The following GRK3 variants were observed in gnomAD, a reference collection of about 807,000 sequenced individuals.
The protein encoded by GRK3 is adrenergic, beta, receptor kinase 2.
Under a neutral mutation model 95.7 loss-of-function variants are expected in GRK3, and 54 were observed. That is an observed-to-expected ratio of 0.56 (90% CI 0.45 to 0.71). The LOEUF (loss-of-function observed/expected upper bound fraction) is 0.71, where lower values mean the gene tolerates loss of function less well. Ranked by LOEUF, GRK3 falls within the 30% of genes least tolerant of loss-of-function variation. The pLI is 0.00. For synonymous variants in GRK3, 281 were observed against 290.8 expected (o/e 0.97, Z 0.34); for missense variants, 649 against 851.2 (o/e 0.76, Z 2.96).
At chr22:25,652,166 G>A (rs1406446262) in intron 3 of GRK3, among the ~76,000 whole-genome samples, 1 of 152,198 alleles carries the variant, frequency 6.6e-6, no homozygotes, top group Non-Finnish European at 1.5e-5. Context: ...CAGGCATGGT[G>A]GCTCACGCCT....
Position 25,612,752 on chromosome 22 carries a change from C to G in GRK3, c.190+8299C>G, listed in dbSNP as rs189687219. ...TTATATTTGACATTTAGGGCCAAGG[C>G]ATAAGAAATGTACTTGCTGTGGGCT... On this transcript the variant is annotated intron_variant, in intron 2 of 20. Coordinates refer to ENST00000324198, the MANE Select transcript of GRK3 (RefSeq NM_005160.4). Among the ~76,000 whole-genome samples, 70 of 151,432 alleles carry G rather than the reference C, an allele frequency of 4.6e-4. No homozygotes were observed. In the East Asian group the frequency reaches 0.014, roughly 29 times the overall value.
chr22:25,649,265 C>A, intron 3 of GRK3: 1 of 1,023,410 alleles, frequency 9.8e-7, no homozygotes. Flanking sequence ...ATGCTCACAT[C>A]TGCCAAAATG....
At position 25,726,063 on chromosome 22, in the gene GRK3, A is replaced by G. The variant is rs2085471513; in HGVS notation, c.*3613A>G. On this transcript the variant is annotated 3_prime_UTR_variant, in exon 21 of 21. Transcript: ENST00000324198. Reference sequence around the variant, plus strand: ...GGTCTGTTTGTTGCAAACAAGATGTAGCTTGATTTCTGGTCTGACATATGC... The same window carrying G: ...GGTCTGTTTGTTGCAAACAAGATGTGGCTTGATTTCTGGTCTGACATATGC... 6.5e-6 allele frequency: 1 copy of G among 152,844 alleles called. No individual in the cohort carries two copies. The highest frequency in any genetic ancestry group is 2.1e-4 in the South Asian group (1 of 4,830). The allele number at this position is 152,844 out of a possible 1,614,324, so 9.5% of individuals were successfully genotyped here.
At chr22:25,576,361 T>G (rs1255101734) in intron 1 of GRK3, among the ~76,000 whole-genome samples, 2 of 152,212 alleles carry the variant, frequency 1.3e-5, no homozygotes, top group African/African-American at 2.4e-5. Context: ...TTGGGACAAG[T>G]CATCTTTCCA....
chr22:25,600,742 CCAACG>C (rs562860038), intron 1 of GRK3, among the ~76,000 whole-genome samples: 43 of 150,434 alleles, frequency 2.9e-4, no homozygotes, highest in African/African-American at 1.1e-3. Context: ...GGCTTGTATA[CCAACG>C]GATGACTATC....
chr22:25,619,492 CGTT>C (rs955169757), intron 2 of GRK3, among the ~76,000 whole-genome samples: 14 of 151,852 alleles, frequency 9.2e-5, no homozygotes, highest in Non-Finnish European at 1.2e-4. Context: ...TTTTTGTTGT[CGTT>C]GTTTTCGATA....
rs746151440 is a variant in GRK3 at position 25,728,639 on chromosome 22, C to G, written c.*6189C>G. On this transcript the variant is annotated 3_prime_UTR_variant, in exon 21 of 21. Coordinates refer to ENST00000324198, the MANE Select transcript of GRK3 (RefSeq NM_005160.4). ...CCTAACCACTAAACAGAAAGGCCAC[C>G]TTCACTCTTTGAAAAAGGCAAGCTG... The G allele has an allele frequency of 2.0e-4, 30 of 152,296 alleles. 1 individual carries two copies. Among genetic ancestry groups the G allele is most frequent in the Middle Eastern group, 3.4e-3 (1 of 294 alleles). The allele number at this position is 152,296 out of a possible 1,614,324, so 9.4% of individuals were successfully genotyped here. A position where few individuals can be genotyped will look rare whatever the true frequency, so the allele number is the denominator to read the frequency against.
chr22:25,667,170 T>C (rs2084947488), intron 5 of GRK3, among the ~76,000 whole-genome samples: 2 of 152,174 alleles, frequency 1.3e-5, no homozygotes, highest in South Asian at 4.1e-4. Flanking sequence ...TCCCCTGTGG[T>C]TTTCTCTATG....
At chr22:25,677,862 CTGT>C (rs1160288256) in intron 8 of GRK3, among the ~76,000 whole-genome samples, 1 of 152,142 alleles carries the variant, frequency 6.6e-6, no homozygotes, top group Non-Finnish European at 1.5e-5. Context: ...AAAAAGCTTC[CTGT>C]TTTCTATAGA....
rs376175349 is a variant in GRK3, at chr22:25,722,322, T to C, written c.1939T>C (p.Leu647=). The C allele has an allele frequency of 6.8e-6, 11 of 1,613,778 alleles. No homozygotes were observed. The East Asian group carries it at 1.3e-4, about 20-fold the overall frequency. The part of the protein sequence containing the change: ...DPEFVQWKKE[L]NETFKEAQRL... Reference sequence around the variant, plus strand: ...AGAGTTTGTGCAGTGGAAGAAAGAGTTGAACGAAACCTTCAAGGAGGCCCA... The same window carrying C: ...AGAGTTTGTGCAGTGGAAGAAAGAGCTGAACGAAACCTTCAAGGAGGCCCA... The change falls in exon 21 of 21, where the codon TTG becomes CTG. Residue 647 remains leucine, a synonymous_variant. Transcript: ENST00000324198.
chr22:25,656,783 T>C (rs1451351206), intron 3 of GRK3, among the ~76,000 whole-genome samples: 1 of 152,176 alleles, frequency 6.6e-6, no homozygotes, highest in Non-Finnish European at 1.5e-5. Flanking sequence ...AAAACTGCTA[T>C]GTAATGACTC....
intron 1 of GRK3, 92 bp downstream of exon 1, chr22:25,565,245 C>T: frequency 5.6e-6 from 3 of 534,260 alleles, no homozygotes; most frequent in Non-Finnish European, 9.2e-6. Context: ...GGCGCTGAGC[C>T]TCCGCTGCCC....
At chr22:25,670,322 AC>A (rs1264432127) in intron 6 of GRK3, among the ~76,000 whole-genome samples, 1 of 152,088 alleles carries the variant, frequency 6.6e-6, no homozygotes, top group Non-Finnish European at 1.5e-5. Context: ...AGCAACACCC[AC>A]TATCTTCAAA....
In GRK3 at chr22:25,697,771, A is replaced by T. The variant is rs554865475; in HGVS notation, c.1160+2557A>T. On this transcript the variant is annotated intron_variant, in intron 13 of 20. Transcript: ENST00000324198. ...AGGAGGGTTCTGCCTCATGGATAGC[A>T]GGCTCCTTGTCACTGTCTGGTGACC... 6.6e-5 allele frequency among the ~76,000 whole-genome samples: 10 copies of T among 152,360 alleles called. No individual in the cohort carries two copies. In the South Asian group the frequency reaches 2.1e-3, roughly 32 times the overall value.
At position 25,725,790 on chromosome 22, in the gene GRK3, C is replaced by G. The variant is rs1030254264; in HGVS notation, c.*3340C>G. 1.5e-5 allele frequency: 6 copies of G among 388,698 alleles called. No individual in the cohort carries two copies. Among genetic ancestry groups the G allele is most frequent in the South Asian group, 1.4e-4 (1 of 6,914 alleles). The allele number at this position is 388,698 out of a possible 1,614,324, so 24.1% of individuals were successfully genotyped here. A position where few individuals can be genotyped will look rare whatever the true frequency, so the allele number is the denominator to read the frequency against. On this transcript the variant is annotated 3_prime_UTR_variant, in exon 21 of 21. Coordinates refer to ENST00000324198, the MANE Select transcript of GRK3 (RefSeq NM_005160.4). Reference sequence around the variant, plus strand: ...TGAAACCCCGTCTCTACTAAAAATACAAATAAAAATTAGCCGGGCGTGGTG... The same window carrying G: ...TGAAACCCCGTCTCTACTAAAAATAGAAATAAAAATTAGCCGGGCGTGGTG...
chr22:25,588,912 G>T (rs1932407104), intron 1 of GRK3, among the ~76,000 whole-genome samples: 4 of 151,966 alleles, frequency 2.6e-5, no homozygotes, highest in Admixed American at 2.6e-4. Context: ...GAGACTACAG[G>T]TTCATGCCAC....
rs190144480 is a variant in GRK3, at chr22:25,718,530, T to G, written c.1791+149T>G. The G allele has an allele frequency of 6.4e-6, 6 of 938,422 alleles. No individual in the cohort carries two copies. The East Asian group carries it at 1.5e-4, about 24-fold the overall frequency. The allele number at this position is 938,422 out of a possible 1,614,324, so 58.1% of individuals were successfully genotyped here. ...TACATGAGATTGTAATGTGCAAACT[T>G]TAACTTGTTTTTAAACTTCCAAGTC... is the stretch of plus-strand genomic sequence containing the variant. On this transcript the variant is annotated intron_variant, in intron 19 of 20. Transcript: ENST00000324198.
intron 10 of GRK3, among the ~76,000 whole-genome samples, chr22:25,686,746 G>A (rs889772005): frequency 6.6e-6 from 1 of 152,150 alleles, no homozygotes; most frequent in Non-Finnish European, 1.5e-5. Flanking sequence ...TTTTCCTGGG[G>A]ACACCCACCA....
intron 1 of GRK3, among the ~76,000 whole-genome samples, chr22:25,589,987 A>G (rs1932439943): frequency 6.6e-6 from 1 of 152,180 alleles, no homozygotes; most frequent in African/African-American, 2.4e-5. Flanking sequence ...TCCATGATTC[A>G]ATGACCTCCC....
Sources: gnomAD v4.1 joint callset for allele counts (sites outside exome capture counted in the v4.1 genomes callset) on GRCh38, gnomAD v4.1.1 for gene constraint, MANE v1.5 for transcripts, NCBI Gene and HGNC (gene_info 2026-07-23, HGNC 2026-07-21) for gene names.